The following BZW2 variants were observed in gnomAD, a reference collection of about 807,000 sequenced individuals.
The protein encoded by BZW2 is eIF5-mimic protein 1.
Under a neutral mutation model 53.2 loss-of-function variants are expected in BZW2, and 23 were observed. The observed-to-expected ratio is 0.43, with a 90% CI of 0.31 to 0.61. The LOEUF (loss-of-function observed/expected upper bound fraction) is 0.61. Among genes scored for constraint, BZW2 ranks in the 20% least tolerant of loss-of-function variants. The pLI, the probability that BZW2 is intolerant of heterozygous loss-of-function variation, is 0.09. For missense variants in BZW2, 409 were observed against 503.1 expected (o/e 0.81, Z 1.79); for synonymous variants, 227 against 186.4 (o/e 1.22, Z -1.77).
At chr7:16,656,555 G>GCACACACA (rs376412401) in intron 1 of BZW2, among the ~76,000 whole-genome samples, 1,789 of 141,246 alleles carry the variant, frequency 0.013, 23 homozygotes, top group African/African-American at 0.043. Flanking sequence ...GCGCGCGCGC[G>GCACACACA]CACACACACA....
At chr7:16,674,348 T>C in intron 2 of BZW2, 64 bp from the exon 3 acceptor site, 1 of 1,261,256 alleles carries the variant, frequency 7.9e-7, no homozygotes, top group Admixed American at 2.4e-5. Flanking sequence ...ATTAAAGTTT[T>C]GATTGTTATA....
At chr7:16,696,890 C>T in intron 8 of BZW2, 25 bp from the exon 9 acceptor site, 4 of 1,613,422 alleles carry the variant, frequency 2.5e-6, no homozygotes, top group Non-Finnish European at 3.4e-6. Flanking sequence ...CTGTTACTTT[C>T]TGACCCCATT....
Position 16,685,591 on chromosome 7 carries a change from C to A in BZW2, c.406-314C>A, listed in dbSNP as rs773828312. 9.8e-4 allele frequency among the ~76,000 whole-genome samples: 150 copies of A among 152,316 alleles called. 2 individuals are homozygous for A. Among genetic ancestry groups the A allele is most frequent in the Non-Finnish European group, 1.5e-3 (99 of 68,018 alleles). The stretch of plus-strand genomic sequence containing the variant: ...CCATCATGTATACTTAACTCTCTTG[C>A]ATGCACATAGTCAAACATAAATCCA... On this transcript the variant is annotated intron_variant, in intron 5 of 11. Transcript: ENST00000258761.
At chr7:16,655,379 CAT>C (rs113779291) in intron 1 of BZW2, among the ~76,000 whole-genome samples, 49 of 152,158 alleles carry the variant, frequency 3.2e-4, no homozygotes, top group Middle Eastern at 6.8e-3. Context: ...TACTATGTAA[CAT>C]TTTTGTTTTT....
At chr7:16,658,916 A>T (rs760316666) in intron 1 of BZW2, among the ~76,000 whole-genome samples, 2 of 150,722 alleles carry the variant, frequency 1.3e-5, no homozygotes, top group African/African-American at 2.4e-5. Flanking sequence ...TGTTGCTGTC[A>T]TTTCCCTATT....
intron 1 of BZW2, among the ~76,000 whole-genome samples, chr7:16,650,221 C>A (rs1781951820): frequency 1.3e-5 from 2 of 152,172 alleles, no homozygotes; most frequent in Non-Finnish European, 1.5e-5. Flanking sequence ...TGGCATTACT[C>A]AGTGCTTGTA....
At chr7:16,678,087 CTTTTTTTT>C (rs71007780) in intron 3 of BZW2, among the ~76,000 whole-genome samples, 1 of 66,916 alleles carries the variant, frequency 1.5e-5, no homozygotes, top group Non-Finnish European at 2.9e-5. Flanking sequence ...TTCCATTGTT[CTTTTTTTT>C]TTTTTTTTTT....
chr7:16,651,619 A>C (rs4721525), intron 1 of BZW2, among the ~76,000 whole-genome samples: 20,061 of 152,242 alleles, frequency 0.13, 1,510 homozygotes, highest in East Asian at 0.2. Context: ...TGGGAGTGTG[A>C]AGATTGTGTT....
chr7:16,686,828 A>C (rs1783142205), intron 6 of BZW2: 1 of 152,214 alleles, frequency 6.6e-6, no homozygotes, highest in Non-Finnish European at 1.5e-5. Context: ...TAGTAAATTG[A>C]GAGTCAATTG....
At chr7:16,690,138 T>C (rs1783254918) in intron 7 of BZW2, among the ~76,000 whole-genome samples, 1 of 152,202 alleles carries the variant, frequency 6.6e-6, no homozygotes, top group African/African-American at 2.4e-5. Flanking sequence ...TCCAAATTTG[T>C]AAGTTTGTTG....
At chr7:16,649,833 GGAA>G (rs1447353462) in intron 1 of BZW2, among the ~76,000 whole-genome samples, 4 of 152,102 alleles carry the variant, frequency 2.6e-5, no homozygotes, top group Non-Finnish European at 5.9e-5. Flanking sequence ...GTGACAGAAA[GGAA>G]GAGAGACTGA....
chr7:16,697,906 G>C (rs937429043), intron 9 of BZW2, 142 bp from the exon 10 acceptor site: 25 of 992,168 alleles, frequency 2.5e-5, no homozygotes, highest in Non-Finnish European at 3.7e-5. Flanking sequence ...CACCCCATTG[G>C]GCACAATATG....
intron 2 of BZW2, among the ~76,000 whole-genome samples, chr7:16,666,355 A>C (rs945347671): frequency 1.8e-4 from 27 of 151,724 alleles, no homozygotes; most frequent in African/African-American, 6.3e-4. Context: ...GAGATTGTGG[A>C]TGTGAGCCAC....
At position 16,697,071 on chromosome 7, in the gene BZW2, C is replaced by T. The variant is rs761924101; in HGVS notation, c.969+10C>T. The stretch of plus-strand genomic sequence containing the variant: ...TCTGAAGCACCTGAAGGTAACAGCC[C>T]TTAGCAAGGAACTGACCCAGCCAAG... On this transcript the variant is annotated intron_variant, in intron 9 of 11. Transcript: ENST00000258761. The T allele has an allele frequency of 4.3e-6, 7 of 1,612,746 alleles. No homozygotes were observed. Among genetic ancestry groups the T allele is most frequent in the African/African-American group, 4.0e-5 (3 of 74,878 alleles).
At chr7:16,685,876 C>CTTTTTTTTTTTTTTTTTTTTTTTTTTTT in intron 5 of BZW2, 29 bp from the exon 6 acceptor site, 3 of 1,293,584 alleles carry the variant, frequency 2.3e-6, no homozygotes, top group South Asian at 1.7e-5. Flanking sequence ...TTTTCTTTTT[C>CTTTTTTTTTTTTTTTTTTTTTTTTTTTT]TTTTTTTTTT....
intron 11 of BZW2, among the ~76,000 whole-genome samples, chr7:16,705,834 G>T (rs1783837217): frequency 6.6e-6 from 1 of 151,184 alleles, no homozygotes; most frequent in Non-Finnish European, 1.5e-5. Context: ...ATAGGTATTT[G>T]TATATGTATG....
rs1369272375 is a variant in BZW2 at position 16,706,140 on chromosome 7, G to A, written c.*52G>A. 2 of 1,587,378 alleles carry A rather than the reference G, an allele frequency of 1.3e-6. No individual in the cohort carries two copies. Among genetic ancestry groups the A allele is most frequent in the African/African-American group, 1.4e-5 (1 of 73,762 alleles). ...TTACCACACACCACTTTTTGATTGG[G>A]AATGCTGAACCATTTGAGAAGAGAA... On this transcript the variant is annotated 3_prime_UTR_variant, in exon 12 of 12. Coordinates refer to ENST00000258761, the MANE Select transcript of BZW2 (RefSeq NM_014038.3).
intron 5 of BZW2, 29 bp from the exon 6 acceptor site, chr7:16,685,876 C>CTTTTTTTTTTTTTTT (rs34699573): frequency 3.8e-5 from 49 of 1,294,594 alleles, no homozygotes; most frequent in Middle Eastern, 2.9e-4. Context: ...TTTTCTTTTT[C>CTTTTTTTTTTTTTTT]TTTTTTTTTT....
chr7:16,669,260 G>C (rs1782529208), intron 2 of BZW2, among the ~76,000 whole-genome samples: 1 of 152,120 alleles, frequency 6.6e-6, no homozygotes, highest in Non-Finnish European at 1.5e-5. Flanking sequence ...CGAGTAGCTG[G>C]GATTACAGGC....
Sources: gnomAD v4.1 joint callset for allele counts (sites outside exome capture counted in the v4.1 genomes callset) on GRCh38, gnomAD v4.1.1 for gene constraint, MANE v1.5 for transcripts, NCBI Gene and HGNC (gene_info 2026-07-23, HGNC 2026-07-21) for gene names.